Variants in SMYD3 observed in about 807,000 individuals in gnomAD.
SMYD3 encodes SET and MYND domain containing 3.
In SMYD3, 36 loss-of-function variants were observed where a neutral mutation model predicts 57.7. The ratio of observed to expected loss-of-function variants is 0.62; its 90% CI spans 0.48 to 0.82. The LOEUF (loss-of-function observed/expected upper bound fraction) is 0.82, where lower values mean the gene tolerates loss of function less well. Among genes scored for constraint, SMYD3 ranks in the 40% least tolerant of loss-of-function variants. SMYD3 has a pLI of 0.00. For missense variants in SMYD3, 515 were observed against 538.8 expected, an observed-to-expected ratio of 0.96 and a Z score of 0.44; for synonymous variants, 211 against 195.0, an observed-to-expected ratio of 1.08 and a Z score of -0.68.
At position 245,920,123 on chromosome 1, in the gene SMYD3, C is replaced by A. The variant is rs539656197; in HGVS notation, c.703-4483G>T. On this transcript the variant is annotated intron_variant, in intron 7 of 11. Transcript: ENST00000490107. ...GGTCAGGAGATTGAGACCATCCTGG[C>A]TAACACGGTGAAACCCCGTCTCTAC... Among the ~76,000 whole-genome samples, 124 of 152,120 alleles carry A rather than the reference C, an allele frequency of 8.2e-4. 1 individual carries two copies. The highest frequency in any genetic ancestry group is 6.8e-3 in the Middle Eastern group (2 of 294).
chr1:246,007,676 G>T (rs1249863505), intron 5 of SMYD3, among the ~76,000 whole-genome samples: 1 of 151,702 alleles, frequency 6.6e-6, no homozygotes, highest in Non-Finnish European at 1.5e-5. Context: ...AATTTGCCAG[G>T]CATGGTGCCA....
At chr1:246,015,210 C>G (rs2059357739) in intron 5 of SMYD3, among the ~76,000 whole-genome samples, 1 of 152,192 alleles carries the variant, frequency 6.6e-6, no homozygotes, top group Non-Finnish European at 1.5e-5. Context: ...TGCACATTAA[C>G]AAACGTGTAT....
intron 1 of SMYD3, among the ~76,000 whole-genome samples, chr1:246,394,432 C>T (rs2066622787): frequency 6.6e-6 from 1 of 152,200 alleles, no homozygotes; most frequent in Non-Finnish European, 1.5e-5. Context: ...TACTGAGGGG[C>T]GTACAATGTA....
At chr1:246,282,735 A>G (rs576174578) in intron 5 of SMYD3, among the ~76,000 whole-genome samples, 1 of 152,354 alleles carries the variant, frequency 6.6e-6, no homozygotes, top group East Asian at 1.9e-4. Flanking sequence ...TGTTGCTTCT[A>G]GCAGATGAGA....
chr1:246,314,006 A>G (rs1001091104), intron 5 of SMYD3, among the ~76,000 whole-genome samples: 1 of 152,216 alleles, frequency 6.6e-6, no homozygotes, highest in African/African-American at 2.4e-5. Flanking sequence ...TGCAAATTCC[A>G]TGTCAATTAT....
chr1:245,907,256 G>A (rs778981040), intron 8 of SMYD3, among the ~76,000 whole-genome samples: 24 of 152,094 alleles, frequency 1.6e-4, no homozygotes, highest in Admixed American at 1.4e-3. Flanking sequence ...ATGCTTGAGG[G>A]GATGGATACC....
At chr1:245,874,144 AAAC>A (rs1405525682) in intron 8 of SMYD3, among the ~76,000 whole-genome samples, 2 of 152,228 alleles carry the variant, frequency 1.3e-5, no homozygotes, top group Non-Finnish European at 2.9e-5. Flanking sequence ...TCTCAAGTAT[AAAC>A]AACCCCAGCC....
intron 1 of SMYD3, among the ~76,000 whole-genome samples, chr1:246,473,602 C>T (rs1042870598): frequency 1.3e-5 from 2 of 152,170 alleles, no homozygotes; most frequent in Non-Finnish European, 2.9e-5. Flanking sequence ...AAAATTGCCC[C>T]CCACCACCAT....
intron 5 of SMYD3, among the ~76,000 whole-genome samples, chr1:246,265,008 G>A (rs2064077671): frequency 2.0e-5 from 3 of 152,212 alleles, no homozygotes; most frequent in Non-Finnish European, 2.9e-5. Context: ...TTAAATCAAA[G>A]GTGCATATGA....
intron 1 of SMYD3, among the ~76,000 whole-genome samples, chr1:246,398,562 G>C (rs1456297706): frequency 1.3e-5 from 2 of 152,214 alleles, no homozygotes. Flanking sequence ...ACTTAGAGTG[G>C]TTCTTAAAGG....
At chr1:246,460,006 A>G (rs1477184536) in intron 1 of SMYD3, among the ~76,000 whole-genome samples, 1 of 150,762 alleles carries the variant, frequency 6.6e-6, no homozygotes, top group African/African-American at 2.4e-5. Flanking sequence ...AAGTCATTCC[A>G]CTTTCTAGTT....
chr1:245,880,296 T>C (rs986761590), intron 8 of SMYD3, among the ~76,000 whole-genome samples: 6 of 152,246 alleles, frequency 3.9e-5, no homozygotes, highest in African/African-American at 1.4e-4. Flanking sequence ...CCAGGATTTG[T>C]TAATATCTTC....
At chr1:246,268,645 A>G (rs2064157149) in intron 5 of SMYD3, among the ~76,000 whole-genome samples, 1 of 152,124 alleles carries the variant, frequency 6.6e-6, no homozygotes, top group South Asian at 2.1e-4. Flanking sequence ...CGGAGGTTGC[A>G]GTCAGCCAAG....
Position 245,779,535 on chromosome 1 carries a change from C to T in SMYD3, c.1077-15386G>A, listed in dbSNP as rs554940921. Among the ~76,000 whole-genome samples the T allele has an allele frequency of 1.9e-4, 29 of 152,326 alleles. 1 individual carries two copies. In the South Asian group the frequency reaches 5.6e-3, roughly 29 times the overall value. ...GATTGTGGAAGTATATATGCATTTC[C>T]TATGCTTAATTAGATAATCAAATCC... On this transcript the variant is annotated intron_variant, in intron 10 of 11. Coordinates refer to ENST00000490107, the MANE Select transcript of SMYD3 (RefSeq NM_001167740.2).
chr1:245,947,394 C>T (rs566733338), intron 5 of SMYD3: 32 of 457,022 alleles, frequency 7.0e-5, no homozygotes, highest in East Asian at 6.9e-5. Context: ...CTTCCTACCC[C>T]GGTCCTCCTC....
chr1:246,324,661 T>C (rs1331364067), intron 5 of SMYD3, among the ~76,000 whole-genome samples: 1 of 151,970 alleles, frequency 6.6e-6, no homozygotes, highest in East Asian at 2.0e-4. Context: ...CACAGCCTAA[T>C]GAACTGACTT....
At chr1:245,827,778 C>G (rs73134753) in intron 10 of SMYD3, among the ~76,000 whole-genome samples, 6,561 of 152,250 alleles carry the variant, frequency 0.043, 335 homozygotes, top group African/African-American at 0.12. Context: ...CCTTATCACA[C>G]TTATTTTCCA....
intron 5 of SMYD3, among the ~76,000 whole-genome samples, chr1:246,261,042 T>TTTG (rs111699160): frequency 0.12 from 13,228 of 107,500 alleles, 707 homozygotes; most frequent in East Asian, 0.41. Context: ...CTTTCTGGGT[T>TTTG]TTGTTGTTGT....
At chr1:246,480,092 A>G (rs563074940) in intron 1 of SMYD3, among the ~76,000 whole-genome samples, 3 of 152,334 alleles carry the variant, frequency 2.0e-5, no homozygotes, top group Admixed American at 6.5e-5. Context: ...TTTAGTTTTT[A>G]TAACAGCTTC....
Sources: allele counts gnomAD v4.1 joint callset (sites outside exome capture counted in the v4.1 genomes callset), GRCh38; gene constraint gnomAD v4.1.1; transcripts MANE v1.5; gene names NCBI Gene and HGNC (gene_info 2026-07-23, HGNC 2026-07-21).